Variants in NUP205 observed in about 807,000 individuals in gnomAD.
NUP205 encodes the protein nuclear pore complex protein Nup205.
NUP205 carries 76 observed loss-of-function variants against 253.8 expected under a neutral mutation model. The ratio of observed to expected loss-of-function variants is 0.30; its 90% CI spans 0.25 to 0.36. The LOEUF is 0.36. NUP205 is among the 10% of genes least tolerant of loss of function. NUP205 has a pLI of 1.00. For missense variants in NUP205, 2,162 were observed against 2,425.5 expected (o/e 0.89, Z 2.28); for synonymous variants, 832 against 850.1 (o/e 0.98, Z 0.37).
chr7:135,574,655 G>T (rs1236183566), intron 3 of NUP205, among the ~76,000 whole-genome samples: 1 of 152,148 alleles, frequency 6.6e-6, no homozygotes, highest in Non-Finnish European at 1.5e-5. Context: ...GTTTGATTTT[G>T]CATGATAATG....
intron 3 of NUP205, among the ~76,000 whole-genome samples, chr7:135,574,572 A>G (rs918157000): frequency 1.3e-5 from 2 of 152,194 alleles, no homozygotes; most frequent in Non-Finnish European, 2.9e-5. Flanking sequence ...GGATAAAAAG[A>G]TCATTGTGGC....
At chr7:135,597,021 G>A (rs1793856634) in intron 13 of NUP205, among the ~76,000 whole-genome samples, 1 of 151,842 alleles carries the variant, frequency 6.6e-6, no homozygotes, top group African/African-American at 2.4e-5. Context: ...CACCAGTAGG[G>A]CTAGTTGTAA....
Position 135,587,978 on chromosome 7 carries a change from C to A in NUP205, c.1459C>A (p.Pro487Thr). 6.2e-7 allele frequency: 1 copy of A among 1,612,890 alleles called. No individual in the cohort carries two copies. The highest frequency in any genetic ancestry group is 8.5e-7 in the Non-Finnish European group (1 of 1,179,628). ...GSYLGVAHQRPPQRQVVLSKF... is the reference protein window; with the variant it reads ...GSYLGVAHQRTPQRQVVLSKF... ...TTATCTAGGGGTGGCTCATCAGCGGCCCCCTCAACGCCAGGTGAGTCTTTA... is the reference window on the plus strand; with the variant it reads ...TTATCTAGGGGTGGCTCATCAGCGGACCCCTCAACGCCAGGTGAGTCTTTA... Residue 487 changes from proline (P) to threonine (T), a missense_variant, in exon 10 of 43, where the codon CCC becomes ACC. Around this residue, in one of 5 missense-constraint regions of NUP205, gnomAD observed 892 missense variants for 957.1 expected, o/e 0.93. Coordinates refer to ENST00000285968, the MANE Select transcript of NUP205 (RefSeq NM_015135.3).
rs954519016 is a variant in NUP205 at position 135,632,813 on chromosome 7, A to G, written c.5059+2343A>G. Among the ~76,000 whole-genome samples, 10 of 151,918 alleles carry G rather than the reference A, an allele frequency of 6.6e-5. No individual in the cohort carries two copies. In the South Asian group the frequency reaches 1.7e-3, roughly 25 times the overall value. On this transcript the variant is annotated intron_variant, in intron 35 of 42. Coordinates refer to ENST00000285968, the MANE Select transcript of NUP205 (RefSeq NM_015135.3). ...TTTGATTTTTTCCAGGACTTAACTA[A>G]TTACTCTCAATGTACTTCTGTAAAT...
chr7:135,558,111 T>C, intron 1 of NUP205, 139 bp downstream of exon 1: 1 of 734,002 alleles, frequency 1.4e-6, no homozygotes, highest in East Asian at 2.7e-5. Context: ...GGGCCTAGAG[T>C]CCCACCCCTC....
chr7:135,614,147 T>A lies in NUP205; in HGVS notation c.3196-12T>A. On this transcript the variant is annotated splice_polypyrimidine_tract_variant and intron_variant, in intron 22 of 42. Transcript: ENST00000285968. ...GACTGATTCAGGGATTTTTCTTACT[T>A]TAATGCTTTAGGTCATATATCAGTT... The A allele has an allele frequency of 7.0e-7, 1 of 1,427,898 alleles. No individual in the cohort carries two copies. Among genetic ancestry groups the A allele is most frequent in the South Asian group, 1.2e-5 (1 of 85,202 alleles). The allele number at this position is 1,427,898 out of a possible 1,614,324, so 88.5% of individuals were successfully genotyped here. A position where few individuals can be genotyped will look rare whatever the true frequency, so the allele number is the denominator to read the frequency against.
chr7:135,611,566 A>C (rs1171329053), intron 22 of NUP205, among the ~76,000 whole-genome samples: 1 of 152,076 alleles, frequency 6.6e-6, no homozygotes, highest in African/African-American at 2.4e-5. Flanking sequence ...TTCAGTATAC[A>C]TGAAATTTTG....
intron 40 of NUP205, 63 bp from the exon 41 acceptor site, chr7:135,645,405 C>A: frequency 6.5e-7 from 1 of 1,547,536 alleles, no homozygotes. Flanking sequence ...TCTTCTCCTC[C>A]GAAACTGGTG....
chr7:135,618,316 T>C lies in NUP205; in HGVS notation c.3772-96T>C, dbSNP rs527826238. On this transcript the variant is annotated intron_variant, in intron 27 of 42. Coordinates refer to ENST00000285968, the MANE Select transcript of NUP205 (RefSeq NM_015135.3). Reference sequence around the variant, plus strand: ...AAAGATACCTGCTTCCTGGCATGCATGTAGTAGGTTTCCAAATAAATATTT... The same window carrying C: ...AAAGATACCTGCTTCCTGGCATGCACGTAGTAGGTTTCCAAATAAATATTT... The C allele has an allele frequency of 3.1e-6, 3 of 956,324 alleles. No individual in the cohort carries two copies. In the South Asian group the frequency reaches 4.2e-5, roughly 13 times the overall value. The allele number at this position is 956,324 out of a possible 1,614,324, so 59.2% of individuals were successfully genotyped here. A position where few individuals can be genotyped will look rare whatever the true frequency, so the allele number is the denominator to read the frequency against.
intron 21 of NUP205, 60 bp from the exon 22 acceptor site, chr7:135,607,187 C>A: frequency 6.3e-7 from 1 of 1,590,494 alleles, no homozygotes; most frequent in South Asian, 1.1e-5. Flanking sequence ...AAAAGGCAGT[C>A]TAAGATTTTA....
intron 25 of NUP205, 126 bp downstream of exon 25, chr7:135,616,852 T>TTAA: frequency 1.5e-6 from 1 of 662,570 alleles, no homozygotes; most frequent in Non-Finnish European, 2.3e-6. Flanking sequence ...ATATAAAGGA[T>TTAA]TAATTGCCAC....
intron 31 of NUP205, among the ~76,000 whole-genome samples, chr7:135,623,322 TGTATG>T (rs1794516258): frequency 6.6e-6 from 1 of 151,204 alleles, no homozygotes. Context: ...CTTTTAATAA[TGTATG>T]GTACATATTA....
At position 135,646,202 on chromosome 7, in the gene NUP205, G is replaced by C; in HGVS notation, c.5857G>C (p.Ala1953Pro). 1 of 1,613,122 alleles carries C rather than the reference G, an allele frequency of 6.2e-7. No individual in the cohort carries two copies. The highest frequency in any genetic ancestry group is 8.5e-7 in the Non-Finnish European group (1 of 1,179,160). ...CAATCTAGATTTTAGAAGTGGGCTG[G>C]CTATAGTGAGCCAACATGATTTAGA... ...ETNLDFRSGL[A>P]IVSQHDLDQL... Residue 1953 changes from alanine to proline, a missense_variant, in exon 42 of 43, where the codon GCT becomes CCT. Ala to Pro is a conservative substitution (Grantham distance 27). This residue lies in a region of NUP205 where 1,144 missense variants were observed against 1,280.9 expected (regional missense o/e 0.89). Coordinates refer to ENST00000285968, the MANE Select transcript of NUP205 (RefSeq NM_015135.3).
chr7:135,606,921 G>C lies in NUP205; in HGVS notation c.3070+6G>C. ...TACAAACCTACAAGATCCAGGTATA[G>C]CCTAAGACATAAAGGCATTTCTTTC... On this transcript the variant is annotated splice_donor_region_variant and intron_variant, in intron 21 of 42. Coordinates refer to ENST00000285968, the MANE Select transcript of NUP205 (RefSeq NM_015135.3). 6.2e-7 allele frequency: 1 copy of C among 1,611,738 alleles called. No individual in the cohort carries two copies. The highest frequency in any genetic ancestry group is 1.3e-5 in the African/African-American group (1 of 74,960).
chr7:135,596,827 C>T (rs1434097461), intron 13 of NUP205, among the ~76,000 whole-genome samples: 1 of 151,540 alleles, frequency 6.6e-6, no homozygotes, highest in African/African-American at 2.4e-5. Context: ...CATGGTGGCG[C>T]ACGTCTGTAA....
intron 22 of NUP205, among the ~76,000 whole-genome samples, chr7:135,608,136 C>T (rs1794128821): frequency 6.6e-6 from 1 of 151,026 alleles, no homozygotes; most frequent in Non-Finnish European, 1.5e-5. Flanking sequence ...AAGCGATTCT[C>T]CTGCCTCAGC....
intron 1 of NUP205, among the ~76,000 whole-genome samples, chr7:135,570,879 AATATATT>A (rs1391317122): frequency 4.1e-5 from 5 of 121,718 alleles, no homozygotes; most frequent in South Asian, 2.2e-4. Flanking sequence ...AAATATATGT[AATATATT>A]ATATATTATA....
intron 22 of NUP205, among the ~76,000 whole-genome samples, chr7:135,610,800 C>T (rs1794211689): frequency 6.6e-6 from 1 of 152,162 alleles, no homozygotes. Context: ...GGGAAATGGT[C>T]CTTACTGATA....
intron 1 of NUP205, among the ~76,000 whole-genome samples, chr7:135,560,377 C>T (rs1421882631): frequency 6.6e-6 from 1 of 152,184 alleles, no homozygotes; most frequent in African/African-American, 2.4e-5. Flanking sequence ...GAGTTGCCAA[C>T]AGCAGCAAAG....
Sources: gnomAD v4.1 joint callset for allele counts (sites outside exome capture counted in the v4.1 genomes callset) on GRCh38, gnomAD v4.1.1 for gene constraint, gnomAD v4.1.1 regional missense constraint, MANE v1.5 for transcripts, NCBI Gene and HGNC (gene_info 2026-07-23, HGNC 2026-07-21) for gene names.